The following KCNK17 variants were observed in gnomAD, a reference collection of about 807,000 sequenced individuals.
KCNK17 encodes the protein potassium channel subfamily K member 17.
Under a neutral mutation model 24.6 loss-of-function variants are expected in KCNK17, and 27 were observed. That is an observed-to-expected ratio of 1.10 (90% CI 0.81 to 1.51). The LOEUF (loss-of-function observed/expected upper bound fraction) is 1.51. Among genes scored for constraint, KCNK17 ranks in the 40% most tolerant of loss-of-function variants. The pLI is 0.00. For missense variants in KCNK17, 450 were observed against 436.6 expected, an observed-to-expected ratio of 1.03 and a Z score of -0.27; for synonymous variants, 181 against 189.8, an observed-to-expected ratio of 0.95 and a Z score of 0.38.
At chr6:39,312,933 T>C (rs574421275) in intron 1 of KCNK17, among the ~76,000 whole-genome samples, 3 of 152,326 alleles carry the variant, frequency 2.0e-5, no homozygotes, top group African/African-American at 7.2e-5. Context: ...CGAATCGGCC[T>C]AGTCCGAGGG....
At chr6:39,312,316 G>T (rs1243694765) in intron 1 of KCNK17, among the ~76,000 whole-genome samples, 1 of 152,090 alleles carries the variant, frequency 6.6e-6, no homozygotes, top group Non-Finnish European at 1.5e-5. Flanking sequence ...ATCTGGGCTG[G>T]ATACCACATC....
chr6:39,310,564 G>A (rs542964922), intron 2 of KCNK17, among the ~76,000 whole-genome samples: 1 of 152,256 alleles, frequency 6.6e-6, no homozygotes, highest in East Asian at 1.9e-4. Flanking sequence ...TGGCATCCTT[G>A]TAGTGCCCAG....
intron 2 of KCNK17, among the ~76,000 whole-genome samples, chr6:39,306,800 C>G (rs887801334): frequency 7.0e-6 from 1 of 143,148 alleles, no homozygotes; most frequent in African/African-American, 2.6e-5. Context: ...GAGTCTTGCT[C>G]TGTGGCCAGG....
intron 1 of KCNK17, among the ~76,000 whole-genome samples, chr6:39,313,532 C>T (rs1005429239): frequency 1.6e-4 from 25 of 152,210 alleles, no homozygotes; most frequent in African/African-American, 5.8e-4. Flanking sequence ...CCCCCAGGCT[C>T]CTACGGCCGC....
intron 4 of KCNK17, among the ~76,000 whole-genome samples, chr6:39,303,482 C>T (rs1761978249): frequency 6.6e-6 from 1 of 152,226 alleles, no homozygotes; most frequent in Non-Finnish European, 1.5e-5. Flanking sequence ...GACCATGAGG[C>T]CCTTTCTTGC....
rs1239192771 is a variant in KCNK17 at position 39,299,254 on chromosome 6, C to G, written c.*173G>C. The G allele has an allele frequency of 1.3e-5, 8 of 597,278 alleles. No homozygotes were observed. The highest frequency in any genetic ancestry group is 3.2e-5 in the Admixed American group (1 of 31,362). 37.0% of individuals were successfully genotyped at this position (597,278 alleles called of 1,614,324 possible). On this transcript the variant is annotated 3_prime_UTR_variant, in exon 5 of 5. Coordinates refer to ENST00000373231, the MANE Select transcript of KCNK17 (RefSeq NM_031460.4). ...CTGCCCCGACACCCGAAAGTCACAT[C>G]CCATGTCACCCAGGACATGTCTCTG...
intron 2 of KCNK17, among the ~76,000 whole-genome samples, chr6:39,307,984 A>C (rs1322584963): frequency 6.6e-6 from 1 of 151,758 alleles, no homozygotes. Flanking sequence ...CCATTATTTT[A>C]CTCATGTCTC....
chr6:39,301,243 CTCATCAGATTGGAA>C (rs1484754219), intron 4 of KCNK17, among the ~76,000 whole-genome samples: 2 of 152,212 alleles, frequency 1.3e-5, no homozygotes, highest in Non-Finnish European at 2.9e-5. Context: ...TGCTGCCTCC[CTCATCAGATTGGAA>C]TCATTCAAAG....
chr6:39,308,772 C>T (rs1762079223), intron 2 of KCNK17, among the ~76,000 whole-genome samples: 2 of 152,178 alleles, frequency 1.3e-5, no homozygotes, highest in South Asian at 4.1e-4. Flanking sequence ...ATGGGTTTGC[C>T]GAAGAGGCTG....
In KCNK17 at chr6:39,299,133, G is replaced by A. The variant is rs146142473; in HGVS notation, c.*294C>T. 93 of 400,930 alleles carry A rather than the reference G, an allele frequency of 2.3e-4. 1 individual carries two copies. In the East Asian group the frequency reaches 4.1e-3, roughly 18 times the overall value. 24.8% of individuals were successfully genotyped at this position (400,930 alleles called of 1,614,324 possible). ...CTTATTGTGCCGCTCAAACATTGCC[G>A]CTACTTCATGGTGCCGTATGGCTGC... On this transcript the variant is annotated 3_prime_UTR_variant, in exon 5 of 5. Coordinates refer to ENST00000373231, the MANE Select transcript of KCNK17 (RefSeq NM_031460.4).
intron 4 of KCNK17, among the ~76,000 whole-genome samples, chr6:39,301,566 C>T (rs971422426): frequency 6.6e-6 from 1 of 152,274 alleles, no homozygotes; most frequent in Non-Finnish European, 1.5e-5. Context: ...GCCCTGCCAC[C>T]CGCCAGCTTG....
intron 2 of KCNK17, among the ~76,000 whole-genome samples, chr6:39,309,199 C>T (rs985487057): frequency 1.3e-5 from 2 of 152,240 alleles, no homozygotes; most frequent in Non-Finnish European, 2.9e-5. Context: ...TGGCAAGTGC[C>T]TGTAGTCCCA....
At chr6:39,313,621 C>A (rs1022979423) in intron 1 of KCNK17, among the ~76,000 whole-genome samples, 12 of 152,346 alleles carry the variant, frequency 7.9e-5, no homozygotes, top group Admixed American at 5.9e-4. Context: ...CCCGGGTTCC[C>A]CCTCTGGAAG....
At chr6:39,304,281 G>GCCTC in intron 3 of KCNK17, 150 bp from the exon 4 acceptor site, 1 of 833,178 alleles carries the variant, frequency 1.2e-6, no homozygotes, top group Non-Finnish European at 1.9e-6. Flanking sequence ...TGGAGCCTGT[G>GCCTC]CCTCATGTCC....
At chr6:39,310,470 T>G (rs1227762592) in intron 2 of KCNK17, among the ~76,000 whole-genome samples, 1 of 151,928 alleles carries the variant, frequency 6.6e-6, no homozygotes, top group African/African-American at 2.4e-5. Context: ...GGATTTCTAC[T>G]TCTTCTTCCT....
intron 2 of KCNK17, among the ~76,000 whole-genome samples, chr6:39,306,075 G>C (rs1157706243): frequency 7.0e-6 from 1 of 142,830 alleles, no homozygotes; most frequent in East Asian, 2.1e-4. Flanking sequence ...ACGTAGTTTC[G>C]CTCTCTTGCC....
Position 39,299,357 on chromosome 6 carries a change from G to T in KCNK17, c.*70C>A. On this transcript the variant is annotated 3_prime_UTR_variant, in exon 5 of 5. Transcript: ENST00000373231. ...GATGGAAAATGTAGTCTTTAGTTTG[G>T]GTGGACATGTGCAAAGCTTAAAATC... 8.3e-7 allele frequency: 1 copy of T among 1,206,320 alleles called. No individual in the cohort carries two copies. The highest frequency in any genetic ancestry group is 1.2e-6 in the Non-Finnish European group (1 of 850,404). 74.7% of individuals were successfully genotyped at this position (1,206,320 alleles called of 1,614,324 possible). A position where few individuals can be genotyped will look rare whatever the true frequency, so the allele number is the denominator to read the frequency against.
At chr6:39,300,468 C>G in intron 4 of KCNK17, 1 of 1,549,744 alleles carries the variant, frequency 6.5e-7, no homozygotes, top group Non-Finnish European at 8.7e-7. Context: ...TCGATGTCCG[C>G]TCTAGTGTTT....
Position 39,314,152 on chromosome 6 carries a change from G to T in KCNK17, c.169C>A (p.Arg57Ser). ...TTCTGCAACAGCTCCCACTTGTCGC[G>T]CTGGAAGCTGCGGCTGGAGTCCTGC... ...AAQDSSRSFQ[R>S]DKWELLQNFT... Residue 57 changes from arginine (R) to serine (S), a missense_variant, in exon 1 of 5, where the codon CGC becomes AGC. Coordinates refer to ENST00000373231, the MANE Select transcript of KCNK17 (RefSeq NM_031460.4). 6.3e-7 allele frequency: 1 copy of T among 1,579,692 alleles called. No homozygotes were observed.
Sources: gnomAD v4.1 joint callset for allele counts (sites outside exome capture counted in the v4.1 genomes callset) on GRCh38, gnomAD v4.1.1 for gene constraint, MANE v1.5 for transcripts, NCBI Gene and HGNC (gene_info 2026-07-23, HGNC 2026-07-21) for gene names.